Variants in PDE1A observed in about 807,000 individuals in gnomAD.
The protein encoded by PDE1A is phosphodiesterase 1A.
In PDE1A, 35 loss-of-function variants were observed where a neutral mutation model predicts 61.7. The ratio of observed to expected loss-of-function variants is 0.57; its 90% CI spans 0.43 to 0.75. The LOEUF (loss-of-function observed/expected upper bound fraction) is 0.75, where lower values mean the gene tolerates loss of function less well. Ranked by LOEUF, PDE1A falls within the 30% of genes least tolerant of loss-of-function variation. The pLI is 0.00. For synonymous variants in PDE1A, 232 were observed against 213.2 expected, an observed-to-expected ratio of 1.09 and a Z score of -0.77; for missense variants, 597 against 630.6, an observed-to-expected ratio of 0.95 and a Z score of 0.57.
At chr2:182,154,010 A>G (rs1690933890) in intron 13 of PDE1A, among the ~76,000 whole-genome samples, 1 of 152,026 alleles carries the variant, frequency 6.6e-6, no homozygotes. Flanking sequence ...TAGAATATTG[A>G]TTTTAACTAT....
chr2:182,281,898 A>G (rs952084058), intron 1 of PDE1A, among the ~76,000 whole-genome samples: 1 of 151,998 alleles, frequency 6.6e-6, no homozygotes, highest in African/African-American at 2.4e-5. Context: ...AATTTTAGAA[A>G]AATAAACCTG....
the PDE1A span, among the ~76,000 whole-genome samples, chr2:182,646,646 T>G: frequency 6.6e-6 from 1 of 150,640 alleles, no homozygotes; most frequent in Non-Finnish European, 1.5e-5. Flanking sequence ...ATCGCGCCAC[T>G]GCACTCCAGC....
At chr2:182,234,868 CA>C (rs1480481289) in intron 3 of PDE1A, among the ~76,000 whole-genome samples, 1 of 152,132 alleles carries the variant, frequency 6.6e-6, no homozygotes, top group Non-Finnish European at 1.5e-5. Context: ...ATTTATATGC[CA>C]AAATTTTTAG....
intron 10 of PDE1A, among the ~76,000 whole-genome samples, chr2:182,194,354 C>T (rs920202921): frequency 6.6e-6 from 1 of 152,248 alleles, no homozygotes; most frequent in African/African-American, 2.4e-5. Flanking sequence ...AACCTGTCTT[C>T]TTTTACCAAT....
chr2:182,508,254 T>C (rs1025353933), intron 2 of PDE1A, among the ~76,000 whole-genome samples: 2 of 151,998 alleles, frequency 1.3e-5, no homozygotes, highest in African/African-American at 4.8e-5. Context: ...GTAAAGGCCA[T>C]ATACAACAAA....
chr2:182,324,208 G>T (rs951629073), intron 1 of PDE1A, among the ~76,000 whole-genome samples: 1 of 151,918 alleles, frequency 6.6e-6, no homozygotes, highest in Non-Finnish European at 1.5e-5. Context: ...CGTTGAGGAG[G>T]GGATAATACT....
chr2:182,685,577 A>G, the PDE1A span, among the ~76,000 whole-genome samples: 1 of 152,164 alleles, frequency 6.6e-6, no homozygotes, highest in African/African-American at 2.4e-5. Flanking sequence ...ATTGTGAACA[A>G]TCAGTGCTTG....
chr2:182,560,957 C>T, the PDE1A span, among the ~76,000 whole-genome samples: 7 of 151,542 alleles, frequency 4.6e-5, no homozygotes, highest in African/African-American at 1.5e-4. Flanking sequence ...TGGATATTAG[C>T]CCTTGGTCAG....
the PDE1A span, among the ~76,000 whole-genome samples, chr2:182,550,085 G>A: frequency 6.6e-6 from 1 of 152,050 alleles, no homozygotes; most frequent in Non-Finnish European, 1.5e-5. Context: ...GCAAATTTCT[G>A]ACCCCAGATA....
chr2:182,367,820 T>C (rs762605222), intron 1 of PDE1A, among the ~76,000 whole-genome samples: 12 of 152,122 alleles, frequency 7.9e-5, no homozygotes, highest in Non-Finnish European at 2.9e-5. Flanking sequence ...ATCTATCTTA[T>C]TTTTATTTAT....
At chr2:182,320,388 G>A (rs1427748393) in intron 1 of PDE1A, among the ~76,000 whole-genome samples, 1 of 152,092 alleles carries the variant, frequency 6.6e-6, no homozygotes, top group Non-Finnish European at 1.5e-5. Flanking sequence ...CCGCACTGAT[G>A]AAGAGGAAAT....
chr2:182,566,063 A>G, the PDE1A span, among the ~76,000 whole-genome samples: 1 of 152,152 alleles, frequency 6.6e-6, no homozygotes, highest in Non-Finnish European at 1.5e-5. Flanking sequence ...GAAATGCAAG[A>G]GATTTCAAGG....
intron 1 of PDE1A, among the ~76,000 whole-genome samples, chr2:182,343,909 A>T (rs1323001285): frequency 4.7e-5 from 7 of 149,208 alleles, no homozygotes; most frequent in Non-Finnish European, 1.0e-4. Context: ...TCTTACTCTC[A>T]CTCAGGCTGG....
At chr2:182,608,521 G>A in the PDE1A span, among the ~76,000 whole-genome samples, 3 of 152,332 alleles carry the variant, frequency 2.0e-5, no homozygotes, top group East Asian at 5.8e-4. Context: ...CGAGTTCCGG[G>A]TGGGCGTGGG....
intron 1 of PDE1A, among the ~76,000 whole-genome samples, chr2:182,295,408 A>G (rs1694819841): frequency 6.6e-6 from 1 of 152,186 alleles, no homozygotes; most frequent in African/African-American, 2.4e-5. Flanking sequence ...GAAATCACCT[A>G]TCTACTATCA....
chr2:182,431,207 TGATTA>T (rs988675079), upstream of PDE1A, among the ~76,000 whole-genome samples: 1 of 151,796 alleles, frequency 6.6e-6, no homozygotes, highest in African/African-American at 2.4e-5. Context: ...GCCTTGTGTA[TGATTA>T]GAGTACCTCA....
intron 2 of PDE1A, among the ~76,000 whole-genome samples, chr2:182,259,928 A>G (rs965759348): frequency 3.3e-5 from 5 of 152,240 alleles, no homozygotes; most frequent in Non-Finnish European, 5.9e-5. Flanking sequence ...TTGAAAAACA[A>G]TAGCCTCTAG....
At chr2:182,631,827 C>G in the PDE1A span, among the ~76,000 whole-genome samples, 4 of 152,178 alleles carry the variant, frequency 2.6e-5, no homozygotes, top group Admixed American at 6.5e-5. Context: ...AGGAAATTGT[C>G]AAAATTTACA....
the PDE1A span, among the ~76,000 whole-genome samples, chr2:182,554,551 G>C: frequency 3.3e-5 from 5 of 152,134 alleles, no homozygotes; most frequent in African/African-American, 1.2e-4. Flanking sequence ...AGCAGACCTA[G>C]ATTTGAGTTC....
Sources: allele counts gnomAD v4.1 joint callset (sites outside exome capture counted in the v4.1 genomes callset), GRCh38; gene constraint gnomAD v4.1.1; transcripts MANE v1.5; gene names NCBI Gene and HGNC (gene_info 2026-07-23, HGNC 2026-07-21).